SLC25A38: variants seen among roughly 807,000 people sequenced by gnomAD.
SLC25A38 encodes solute carrier family 25 member 38, also known as mitochondrial glycine transporter.
In SLC25A38, 27 loss-of-function variants were observed where a neutral mutation model predicts 33.4. The ratio of observed to expected loss-of-function variants is 0.81; its 90% CI spans 0.60 to 1.11. The LOEUF is 1.11. SLC25A38 is among the 50% of genes most tolerant of loss of function. SLC25A38 has a pLI of 0.00. For missense variants in SLC25A38, 344 were observed against 388.8 expected (o/e 0.88, Z 0.97); for synonymous variants, 123 against 145.9 (o/e 0.84, Z 1.13).
chr3:39,390,294 G>C (rs1164434604), intron 2 of SLC25A38, 129 bp from the exon 3 acceptor site: 1 of 906,502 alleles, frequency 1.1e-6, no homozygotes, highest in Middle Eastern at 2.1e-4. Flanking sequence ...TATCTCCAAG[G>C]TGCATTGTAG....
chr3:39,387,184 G>T (rs78559947), intron 1 of SLC25A38, among the ~76,000 whole-genome samples: 1,923 of 152,288 alleles, frequency 0.013, 42 homozygotes, highest in African/African-American at 0.044. Context: ...GTGGTATGGT[G>T]AAAAGAGTAT....
At chr3:39,395,420 AT>A (rs202174597) in intron 6 of SLC25A38, among the ~76,000 whole-genome samples, 18,874 of 150,566 alleles carry the variant, frequency 0.13, 1,319 homozygotes, top group Middle Eastern at 0.17. Flanking sequence ...TAAAAAAAAA[AT>A]AAATAAATTA....
At position 39,389,273 on chromosome 3, in the gene SLC25A38, G is replaced by T; in HGVS notation, c.70-222G>T. 1 of 740,672 alleles carries T rather than the reference G, an allele frequency of 1.4e-6. No individual in the cohort carries two copies. The highest frequency in any genetic ancestry group is 2.4e-6 in the Non-Finnish European group (1 of 419,410). 45.9% of individuals were successfully genotyped at this position (740,672 alleles called of 1,614,324 possible). On this transcript the variant is annotated intron_variant, in intron 1 of 6. Coordinates refer to ENST00000650617, the MANE Select transcript of SLC25A38 (RefSeq NM_017875.4). The surrounding 1 kb of genome is among the most constrained non-coding windows in gnomAD (Gnocchi z 4.5). ...TGAGCAATATGTCTATCAGCAATAC[G>T]AAGACCAGAGATACCTCTTGCAGCA...
intron 1 of SLC25A38, among the ~76,000 whole-genome samples, chr3:39,386,315 C>T (rs11915568): frequency 0.013 from 1,920 of 152,148 alleles, 40 homozygotes; most frequent in African/African-American, 0.044. Flanking sequence ...GCATGGTGGC[C>T]CACACCTATA....
chr3:39,390,966 G>A (rs2041759650), intron 3 of SLC25A38, among the ~76,000 whole-genome samples: 1 of 152,180 alleles, frequency 6.6e-6, no homozygotes, highest in Non-Finnish European at 1.5e-5. Flanking sequence ...GTTTTCAAGA[G>A]TATAGGCCAG....
chr3:39,391,428 A>G lies in SLC25A38; in HGVS notation c.277-13A>G, dbSNP rs774319456. 1.2e-6 allele frequency: 2 copies of G among 1,612,704 alleles called. No individual in the cohort carries two copies. The highest frequency in any genetic ancestry group is 1.7e-6 in the Non-Finnish European group (2 of 1,179,966). ...GGTCTTTGATTTTCTTTTCTCCCTGACCTTCTCTGCAGTCCATTGTGAGAT... is the reference window on the plus strand; with the variant it reads ...GGTCTTTGATTTTCTTTTCTCCCTGGCCTTCTCTGCAGTCCATTGTGAGAT... On this transcript the variant is annotated splice_polypyrimidine_tract_variant and intron_variant, in intron 3 of 6. Transcript: ENST00000650617.
chr3:39,395,943 G>A (rs893467373), intron 6 of SLC25A38, among the ~76,000 whole-genome samples: 2 of 151,538 alleles, frequency 1.3e-5, no homozygotes, highest in African/African-American at 4.8e-5. Context: ...AAGCGCGGTA[G>A]CTCACGCCTG....
intron 3 of SLC25A38, among the ~76,000 whole-genome samples, chr3:39,391,076 C>G (rs972025542): frequency 5.3e-5 from 8 of 152,210 alleles, no homozygotes; most frequent in Non-Finnish European, 1.0e-4. Context: ...GATTTCCTAA[C>G]CCACAGCACT....
At position 39,396,769 on chromosome 3, in the gene SLC25A38, C is replaced by G. The variant is rs749962736; in HGVS notation, c.*249C>G. The G allele has an allele frequency of 1.8e-6, 1 of 546,802 alleles. No individual in the cohort carries two copies. The highest frequency in any genetic ancestry group is 3.2e-6 in the Non-Finnish European group (1 of 310,718). 33.9% of individuals were successfully genotyped at this position (546,802 alleles called of 1,614,324 possible). A position where few individuals can be genotyped will look rare whatever the true frequency, so the allele number is the denominator to read the frequency against. The stretch of plus-strand genomic sequence containing the variant: ...GGGTGTTAGGAGAGAGCTTTGCATA[C>G]TCTGAGAGGCTACTTGGAAAGGCAT... On this transcript the variant is annotated 3_prime_UTR_variant, in exon 7 of 7. Transcript: ENST00000650617.
At chr3:39,390,657 C>G in intron 3 of SLC25A38, 150 bp downstream of exon 3, 2 of 791,226 alleles carry the variant, frequency 2.5e-6, no homozygotes, top group Non-Finnish European at 4.4e-6. Flanking sequence ...CAACTAACTT[C>G]TGTTTGAAGG....
chr3:39,386,031 CTT>C (rs1006590247), intron 1 of SLC25A38, among the ~76,000 whole-genome samples: 8 of 152,120 alleles, frequency 5.3e-5, no homozygotes, highest in Non-Finnish European at 5.9e-5. Flanking sequence ...GCAGTTTGGA[CTT>C]TATCCTGAGA....
rs917694654 is a variant in SLC25A38, at chr3:39,394,333, T to C, written c.626-77T>C. Reference sequence around the variant, plus strand: ...AGACCTTTCTTGGTTTGGGGAAGAATTGGTGGGCAACTTGCACTGACCTTT... The same window carrying C: ...AGACCTTTCTTGGTTTGGGGAAGAACTGGTGGGCAACTTGCACTGACCTTT... On this transcript the variant is annotated intron_variant, in intron 5 of 6. Transcript: ENST00000650617. 14 of 1,582,470 alleles carry C rather than the reference T, an allele frequency of 8.8e-6. No homozygotes were observed. In the African/African-American group the frequency reaches 1.2e-4, roughly 14 times the overall value.
intron 1 of SLC25A38, among the ~76,000 whole-genome samples, chr3:39,387,408 G>C (rs1384808191): frequency 2.0e-5 from 3 of 152,134 alleles, no homozygotes; most frequent in Admixed American, 2.0e-4. Flanking sequence ...GGAGACTGCT[G>C]CAGAGGTCAT....
rs902069264 is a variant in SLC25A38, at chr3:39,391,327, T to G, written c.277-114T>G. 3 of 1,464,568 alleles carry G rather than the reference T, an allele frequency of 2.0e-6. No individual in the cohort carries two copies. In the African/African-American group the frequency reaches 4.2e-5, roughly 20 times the overall value. The allele number at this position is 1,464,568 out of a possible 1,614,324, so 90.7% of individuals were successfully genotyped here. On this transcript the variant is annotated intron_variant, in intron 3 of 6. Coordinates refer to ENST00000650617, the MANE Select transcript of SLC25A38 (RefSeq NM_017875.4). Reference sequence around the variant, plus strand: ...TCCCTATTGGTGTTCCTTCCACACCTTAAACAAAGCACTTGCATGCGAATC... The same window carrying G: ...TCCCTATTGGTGTTCCTTCCACACCGTAAACAAAGCACTTGCATGCGAATC...
chr3:39,385,855 T>C (rs1304319248), intron 1 of SLC25A38, among the ~76,000 whole-genome samples: 1 of 152,092 alleles, frequency 6.6e-6, no homozygotes, highest in Non-Finnish European at 1.5e-5. Flanking sequence ...ATGGGGGAGT[T>C]AGGGAGCAAG....
intron 5 of SLC25A38, 98 bp from the exon 6 acceptor site, chr3:39,394,312 C>T (rs2041805303): frequency 6.8e-7 from 1 of 1,473,414 alleles, no homozygotes; most frequent in African/African-American, 1.4e-5. Context: ...GAATCCAGAC[C>T]TTTCTTGGTT....
At chr3:39,394,620 T>C (rs1293898387) in intron 6 of SLC25A38, 44 bp downstream of exon 6, 1 of 1,610,452 alleles carries the variant, frequency 6.2e-7, no homozygotes, top group South Asian at 1.1e-5. Flanking sequence ...TGTTTAAGGA[T>C]CTCTTTCTAG....
In SLC25A38 at chr3:39,389,240, G is replaced by T. The variant is rs900193185; in HGVS notation, c.70-255G>T. 1.5e-6 allele frequency: 1 copy of T among 688,628 alleles called. No homozygotes were observed. Among genetic ancestry groups the T allele is most frequent in the Admixed American group, 2.1e-5 (1 of 48,664 alleles). 42.7% of individuals were successfully genotyped at this position (688,628 alleles called of 1,614,324 possible). ...TGGTCAGTGGCATGGAAATAGTTTT[G>T]CTCCCACTGAGCAATATGTCTATCA... On this transcript the variant is annotated intron_variant, in intron 1 of 6. Transcript: ENST00000650617. This position sits in a 1 kb window ranked among gnomAD's most constrained non-coding sequence, Gnocchi z 4.5.
chr3:39,384,803 CTTTT>C (rs67136154), intron 1 of SLC25A38: 86 of 350,922 alleles, frequency 2.5e-4, no homozygotes, highest in South Asian at 4.5e-4. Flanking sequence ...TTTCTTTTTT[CTTTT>C]TTTTTTTTTT....
Sources: allele counts gnomAD v4.1 joint callset (sites outside exome capture counted in the v4.1 genomes callset), GRCh38; gene constraint gnomAD v4.1.1; non-coding constraint Gnocchi (gnomAD v3.1); transcripts MANE v1.5; gene names NCBI Gene and HGNC (gene_info 2026-07-23, HGNC 2026-07-21).